Variants in NLRP1 observed in about 807,000 individuals in gnomAD.
NLRP1 encodes the protein NACHT, LRR and PYD domains-containing protein 1.
A neutral mutation model predicts 136.7 loss-of-function variants in NLRP1; 94 were observed. The observed-to-expected ratio is 0.69, with a 90% CI of 0.58 to 0.82. The LOEUF (loss-of-function observed/expected upper bound fraction) is 0.82, where lower values mean the gene tolerates loss of function less well. Ranked by LOEUF, NLRP1 falls within the 40% of genes least tolerant of loss-of-function variation. NLRP1 has a pLI of 0.00. For missense variants in NLRP1, 1,575 were observed against 1,802.7 expected (o/e 0.87, Z 2.29); for synonymous variants, 690 against 725.1 (o/e 0.95, Z 0.78).
chr17:5,553,964 T>A (rs543226657), intron 4 of NLRP1, among the ~76,000 whole-genome samples: 11 of 152,122 alleles, frequency 7.2e-5, no homozygotes, highest in South Asian at 6.2e-4. Context: ...AATTTTAATT[T>A]AAAAAAAATT....
chr17:5,560,167 G>T, intron 3 of NLRP1, 124 bp from the exon 4 acceptor site: 1 of 893,358 alleles, frequency 1.1e-6, no homozygotes, highest in Non-Finnish European at 1.6e-6. Flanking sequence ...ACACTGGTAT[G>T]TTCTTGCCAT....
At chr17:5,546,286 C>T (rs1912651914) in intron 5 of NLRP1, among the ~76,000 whole-genome samples, 1 of 152,152 alleles carries the variant, frequency 6.6e-6, no homozygotes, top group Non-Finnish European at 1.5e-5. Context: ...CTTAGGGAAG[C>T]CCCTGGCAGA....
chr17:5,537,087 C>A lies in NLRP1; in HGVS notation c.2871-147G>T. ...AAGCCAGGCTCTGAGGAGGAGGGTACAGTGAGGAGATTCATTAGGGTGTGT... is the reference window on the plus strand; with the variant it reads ...AAGCCAGGCTCTGAGGAGGAGGGTAAAGTGAGGAGATTCATTAGGGTGTGT... On this transcript the variant is annotated intron_variant, in intron 7 of 16. Coordinates refer to ENST00000572272, the MANE Select transcript of NLRP1 (RefSeq NM_033004.4). This position sits in a 1 kb window ranked among gnomAD's most constrained non-coding sequence, Gnocchi z 4.5. 1 of 622,524 alleles carries A rather than the reference C, an allele frequency of 1.6e-6. No individual in the cohort carries two copies. Among genetic ancestry groups the A allele is most frequent in the Non-Finnish European group, 2.9e-6 (1 of 343,172 alleles). 38.6% of individuals were successfully genotyped at this position (622,524 alleles called of 1,614,324 possible).
intron 4 of NLRP1, among the ~76,000 whole-genome samples, chr17:5,557,383 C>A (rs1366458907): frequency 2.0e-5 from 3 of 151,962 alleles, no homozygotes; most frequent in African/African-American, 7.3e-5. Context: ...ATATGAAGGC[C>A]CACATCAAAC....
intron 5 of NLRP1, among the ~76,000 whole-genome samples, chr17:5,548,582 A>T (rs1416513938): frequency 6.6e-6 from 1 of 152,164 alleles, no homozygotes; most frequent in Non-Finnish European, 1.5e-5. Context: ...TCACTATCAA[A>T]GTCTTTGAAG....
intron 14 of NLRP1, chr17:5,518,567 GTTTC>G: frequency 7.6e-6 from 1 of 131,806 alleles, no homozygotes; most frequent in East Asian, 2.0e-4. Flanking sequence ...TTTCTTTTTT[GTTTC>G]TTTTTTTTTT....
chr17:5,514,603 C>T lies in NLRP1; in HGVS notation c.*151G>A, dbSNP rs201154443. ...CCCTGTGGCATCCCTGGCATGGACA[C>T]ATAATGCCCAGCAAAGGCATCATCA... On this transcript the variant is annotated 3_prime_UTR_variant, in exon 17 of 17. Transcript: ENST00000572272. The T allele has an allele frequency of 1.4e-6, 2 of 1,462,466 alleles. No homozygotes were observed. Among genetic ancestry groups the T allele is most frequent in the Non-Finnish European group, 1.8e-6 (2 of 1,107,892 alleles). 90.6% of individuals were successfully genotyped at this position (1,462,466 alleles called of 1,614,324 possible).
intron 15 of NLRP1, chr17:5,502,928 AGGT>A (rs1216316763): frequency 1.3e-5 from 2 of 152,224 alleles, no homozygotes; most frequent in Admixed American, 6.6e-5. Context: ...AAGGTGTGTA[AGGT>A]GGAGTGGAAG....
At chr17:5,538,867 AT>A (rs1311689571) in intron 7 of NLRP1, among the ~76,000 whole-genome samples, 6 of 151,412 alleles carry the variant, frequency 4.0e-5, no homozygotes, top group Non-Finnish European at 8.8e-5. Flanking sequence ...CCTTGTTTTT[AT>A]TTTATTTGTT....
intron 3 of NLRP1, among the ~76,000 whole-genome samples, chr17:5,564,276 T>C (rs879615017): frequency 5.9e-5 from 9 of 152,230 alleles, no homozygotes; most frequent in Admixed American, 3.9e-4. Flanking sequence ...TATTGTGCTA[T>C]CAAACAGTGG....
At chr17:5,535,677 C>T (rs1057463209) in intron 8 of NLRP1, among the ~76,000 whole-genome samples, 1 of 152,210 alleles carries the variant, frequency 6.6e-6, no homozygotes, top group African/African-American at 2.4e-5. Context: ...CAGTGCCCGA[C>T]ACATAGTGGG....
intron 3 of NLRP1, among the ~76,000 whole-genome samples, chr17:5,572,252 A>T (rs1567669720): frequency 6.6e-6 from 1 of 152,220 alleles, no homozygotes; most frequent in Non-Finnish European, 1.5e-5. Flanking sequence ...GACAAATGGG[A>T]CCTAATTAAA....
At chr17:5,532,731 G>T (rs934655902) in intron 11 of NLRP1, 91 bp downstream of exon 11, 9 of 1,171,538 alleles carry the variant, frequency 7.7e-6, no homozygotes, top group Non-Finnish European at 1.1e-5. Flanking sequence ...TGAGTTGGGG[G>T]TAGGGGGTGG....
Position 5,582,072 on chromosome 17 carries a change from A to G in NLRP1, c.449-10T>C, listed in dbSNP as rs1406945987. On this transcript the variant is annotated splice_polypyrimidine_tract_variant and intron_variant, in intron 2 of 16. Coordinates refer to ENST00000572272, the MANE Select transcript of NLRP1 (RefSeq NM_033004.4). ...AGTGAGGCAGAGATTTCTGGGGGGA[A>G]TGAAAAGAAAAATAACCATTTACTG... The G allele has an allele frequency of 3.1e-6, 5 of 1,598,418 alleles. No homozygotes were observed. In the African/African-American group the frequency reaches 5.3e-5, roughly 17 times the overall value.
chr17:5,535,858 G>C (rs181428652), intron 8 of NLRP1, among the ~76,000 whole-genome samples: 1 of 152,212 alleles, frequency 6.6e-6, no homozygotes, highest in Non-Finnish European at 1.5e-5. Flanking sequence ...CAGATTCCTC[G>C]GGGAAGGGAA....
intron 3 of NLRP1, among the ~76,000 whole-genome samples, chr17:5,565,787 C>T (rs963518086): frequency 6.6e-6 from 1 of 152,140 alleles, no homozygotes; most frequent in Admixed American, 6.5e-5. Flanking sequence ...GGTAGAATTT[C>T]AGCAGTGAAG....
At position 5,539,464 on chromosome 17, in the gene NLRP1, G is replaced by C; in HGVS notation, c.2821C>G (p.Leu941Val). Reference protein sequence around the residue: ...QNNLDDVGVRLLCEGLRHPAC... With the variant: ...QNNLDDVGVRVLCEGLRHPAC... ...GGATGCCTGAGCCCCTCACAGAGCA[G>C]TCGCACGCCAACGTCATCCAGGTTG... is the stretch of plus-strand genomic sequence containing the variant. Residue 941 changes from leucine to valine, a missense_variant, in exon 7 of 17, where the codon CTG (leucine) becomes GTG (valine). Transcript: ENST00000572272. The C allele has an allele frequency of 4.3e-6, 7 of 1,614,130 alleles. No individual in the cohort carries two copies. Among genetic ancestry groups the C allele is most frequent in the Non-Finnish European group, 5.9e-6 (7 of 1,180,010 alleles).
At chr17:5,530,410 T>C (rs1001265404) in intron 12 of NLRP1, 71 bp downstream of exon 12, 3 of 1,395,326 alleles carry the variant, frequency 2.2e-6, no homozygotes, top group Non-Finnish European at 3.0e-6. Flanking sequence ...TCCCAGGAGA[T>C]TATCATTCTA....
At chr17:5,518,027 A>T in intron 14 of NLRP1, 140 bp from the exon 15 acceptor site, 1 of 757,278 alleles carries the variant, frequency 1.3e-6, no homozygotes, top group Non-Finnish European at 2.1e-6. Flanking sequence ...TCACCTTCAG[A>T]CATTGCTCTT....
Sources: gnomAD v4.1 joint callset for allele counts (sites outside exome capture counted in the v4.1 genomes callset) on GRCh38, gnomAD v4.1.1 for gene constraint, Gnocchi (gnomAD v3.1) non-coding constraint, MANE v1.5 for transcripts, NCBI Gene and HGNC (gene_info 2026-07-23, HGNC 2026-07-21) for gene names.